P3H2: variants seen among roughly 807,000 people sequenced by gnomAD.
P3H2 encodes the protein leprecan-like 1.
A neutral mutation model predicts 87.0 loss-of-function variants in P3H2; 80 were observed. That is an observed-to-expected ratio of 0.92 (90% confidence interval 0.77 to 1.11). P3H2 has a LOEUF of 1.11. Among genes scored for constraint, P3H2 ranks in the 50% least tolerant of loss-of-function variants. The pLI is 0.00. For missense variants in P3H2, 1,001 were observed against 923.9 expected (o/e 1.08, Z -1.08); for synonymous variants, 367 against 359.3 (o/e 1.02, Z -0.24).
At chr3:189,987,472 T>C in intron 5 of P3H2, 55 bp downstream of exon 5, 1 of 1,522,530 alleles carries the variant, frequency 6.6e-7, no homozygotes, top group Non-Finnish European at 8.8e-7. Flanking sequence ...AGAGCGAAAC[T>C]CTGTCTTAAA....
intron 1 of P3H2, among the ~76,000 whole-genome samples, chr3:190,047,334 A>C (rs1725839441): frequency 1.3e-5 from 2 of 152,222 alleles, no homozygotes; most frequent in African/African-American, 2.4e-5. Flanking sequence ...AGAGTCCTCA[A>C]AAAACTAAAA....
chr3:190,054,717 T>C (rs1381339136), intron 1 of P3H2, among the ~76,000 whole-genome samples: 5 of 152,196 alleles, frequency 3.3e-5, no homozygotes, highest in Non-Finnish European at 7.3e-5. Flanking sequence ...TATCCCTTCA[T>C]GGATTTCAGC....
chr3:190,120,200 G>A, intron 1 of P3H2, 52 bp downstream of exon 1: 13 of 1,584,254 alleles, frequency 8.2e-6, no homozygotes, highest in Non-Finnish European at 1.1e-5. Flanking sequence ...GGGCTCAAGA[G>A]AGCGTGTGAG....
intron 6 of P3H2, among the ~76,000 whole-genome samples, chr3:189,985,409 T>C (rs1723658989): frequency 6.6e-6 from 1 of 151,552 alleles, no homozygotes; most frequent in Non-Finnish European, 1.5e-5. Flanking sequence ...ATGTTATTTC[T>C]TATCGCTGAT....
At chr3:190,023,550 C>T (rs1205832184) in intron 1 of P3H2, among the ~76,000 whole-genome samples, 1 of 152,178 alleles carries the variant, frequency 6.6e-6, no homozygotes, top group Non-Finnish European at 1.5e-5. Flanking sequence ...TGAGAACTCA[C>T]TATCAGGAGA....
rs3062107 is a variant in P3H2, at chr3:189,957,441, TTGTGTGTGTGTGTGTG to T, written c.*455_*470del. ...AGCTTTTGAATTTGCAGCAACTTAA[TTGTGTGTGTGTGTGTG>T]TGTGTGTGTGTGTGTGTGTGTGTTT... On this transcript the variant is annotated 3_prime_UTR_variant, in exon 15 of 15. Coordinates refer to ENST00000319332, the MANE Select transcript of P3H2 (RefSeq NM_018192.4). The T allele has an allele frequency of 6.3e-4, 163 of 257,784 alleles. No homozygotes were observed. Among genetic ancestry groups the T allele is most frequent in the South Asian group, 1.2e-3 (7 of 5,864 alleles). The allele number at this position is 257,784 out of a possible 1,614,324, so 16.0% of individuals were successfully genotyped here. A position where few individuals can be genotyped will look rare whatever the true frequency, so the allele number is the denominator to read the frequency against.
At chr3:190,048,522 C>T (rs1376091340) in intron 1 of P3H2, among the ~76,000 whole-genome samples, 1 of 152,080 alleles carries the variant, frequency 6.6e-6, no homozygotes, top group East Asian at 1.9e-4. Context: ...AATATAACTA[C>T]CATAGATTTT....
chr3:190,074,856 G>A (rs753499977), intron 1 of P3H2, among the ~76,000 whole-genome samples: 4 of 152,180 alleles, frequency 2.6e-5, no homozygotes, highest in Admixed American at 6.5e-5. Context: ...CACGAGAGAA[G>A]AAAATATACA....
intron 1 of P3H2, among the ~76,000 whole-genome samples, chr3:190,090,968 TTTA>T (rs139393485): frequency 0.017 from 2,556 of 152,322 alleles, 70 homozygotes; most frequent in African/African-American, 0.059. Context: ...GTATTATTTT[TTTA>T]TTCCGCCTGC....
intron 1 of P3H2, among the ~76,000 whole-genome samples, chr3:190,066,077 A>G (rs1726488881): frequency 6.6e-6 from 1 of 151,798 alleles, no homozygotes; most frequent in South Asian, 2.1e-4. Context: ...AGTACTTGAT[A>G]TAATTTCAAT....
intron 1 of P3H2, among the ~76,000 whole-genome samples, chr3:190,084,413 C>T (rs1727146101): frequency 6.6e-6 from 1 of 152,138 alleles, no homozygotes; most frequent in Non-Finnish European, 1.5e-5. Flanking sequence ...TTATTTTCTT[C>T]AGAAAGTTGT....
rs1427899240 is a variant in P3H2, at chr3:190,022,277, G to A, written c.481-26835C>T. ...CTTTAGCTCTCTGGAAATGACCAAA[G>A]GCTTTTAAGAAGTAGTAGATTTGTA... On this transcript the variant is annotated intron_variant, in intron 1 of 14. Coordinates refer to ENST00000319332, the MANE Select transcript of P3H2 (RefSeq NM_018192.4). Among the ~76,000 whole-genome samples, 2 of 135,204 alleles carry A rather than the reference G, an allele frequency of 1.5e-5. 1 individual carries two copies. Among genetic ancestry groups the A allele is most frequent in the Non-Finnish European group, 3.3e-5 (2 of 60,438 alleles). The allele number at this position is 135,204 out of a possible 152,430, so 88.7% of individuals were successfully genotyped here.
At chr3:189,977,388 C>A (rs1012368996) in intron 8 of P3H2, among the ~76,000 whole-genome samples, 5 of 152,152 alleles carry the variant, frequency 3.3e-5, no homozygotes, top group Non-Finnish European at 5.9e-5. Context: ...CAACAACCAA[C>A]TAGGAACTAA....
intron 1 of P3H2, among the ~76,000 whole-genome samples, chr3:189,998,792 C>G (rs2108926828): frequency 6.6e-6 from 1 of 152,246 alleles, no homozygotes; most frequent in South Asian, 2.1e-4. Flanking sequence ...CACCAGGGTC[C>G]AGTTTCATGG....
In P3H2 at chr3:190,033,276, CCGTGACCT is replaced by C. The variant is rs538738106; in HGVS notation, c.481-37842_481-37835del. ...TAATGGGCCACAGACTTGTACGGGTCCGTGACCTGGGGGTTGTGGACTCCTGATTTAAC... is the reference window on the plus strand; with the variant it reads ...TAATGGGCCACAGACTTGTACGGGTCGGGGGTTGTGGACTCCTGATTTAAC... On this transcript the variant is annotated intron_variant, in intron 1 of 14. Transcript: ENST00000319332. 3.8e-3 allele frequency among the ~76,000 whole-genome samples: 572 copies of C among 152,230 alleles called. 4 individuals are homozygous for C. Among genetic ancestry groups the C allele is most frequent in the African/African-American group, 0.013 (542 of 41,544 alleles).
At chr3:190,031,023 G>C (rs184977769) in intron 1 of P3H2, among the ~76,000 whole-genome samples, 45 of 152,192 alleles carry the variant, frequency 3.0e-4, no homozygotes, top group Non-Finnish European at 7.4e-5. Flanking sequence ...TAAAAAGCTG[G>C]AATAAAATAC....
rs375912654 is a variant in P3H2, at chr3:189,991,359, T to C, written c.824-2321A>G. 3.9e-5 allele frequency among the ~76,000 whole-genome samples: 6 copies of C among 152,368 alleles called. No individual in the cohort carries two copies. The East Asian group carries it at 9.6e-4, about 24-fold the overall frequency. ...TTCCTAGTCTAATTTTTGATAGCTA[T>C]ACCCTAATTGTCTCTATAAGAAACC... On this transcript the variant is annotated intron_variant, in intron 3 of 14. Transcript: ENST00000319332.
Position 190,036,504 on chromosome 3 carries a change from A to G in P3H2, c.481-41062T>C, listed in dbSNP as rs540565858. 2.6e-3 allele frequency among the ~76,000 whole-genome samples: 392 copies of G among 152,356 alleles called. 1 individual carries two copies. The highest frequency in any genetic ancestry group is 0.017 in the South Asian group (82 of 4,830). Reference sequence around the variant, plus strand: ...AGTCGACATGATAATTTCATTCTTAACGTAATCTTGTGAGATTATTATTTA... The same window carrying G: ...AGTCGACATGATAATTTCATTCTTAGCGTAATCTTGTGAGATTATTATTTA... On this transcript the variant is annotated intron_variant, in intron 1 of 14. Coordinates refer to ENST00000319332, the MANE Select transcript of P3H2 (RefSeq NM_018192.4).
At chr3:190,080,698 A>G (rs111579247) in intron 1 of P3H2, among the ~76,000 whole-genome samples, 1,801 of 152,016 alleles carry the variant, frequency 0.012, 42 homozygotes, top group African/African-American at 0.041. Flanking sequence ...CACCGCGCCC[A>G]GCTGAGATTT....
Sources: allele counts gnomAD v4.1 joint callset (sites outside exome capture counted in the v4.1 genomes callset), GRCh38; gene constraint gnomAD v4.1.1; transcripts MANE v1.5; gene names NCBI Gene and HGNC (gene_info 2026-07-23, HGNC 2026-07-21).